Variants in DLGAP1 observed in about 807,000 individuals in gnomAD.
The protein encoded by DLGAP1 is disks large-associated protein 1.
In DLGAP1, 11 loss-of-function variants were observed where a neutral mutation model predicts 90.8. That is an observed-to-expected ratio of 0.12 (90% CI 0.08 to 0.20). The LOEUF is 0.20. DLGAP1 is among the 10% of genes least tolerant of loss of function. DLGAP1 has a pLI of 1.00. For missense variants in DLGAP1, 1,050 were observed against 1,333.8 expected, an observed-to-expected ratio of 0.79 and a Z score of 3.31; for synonymous variants, 558 against 540.7, an observed-to-expected ratio of 1.03 and a Z score of -0.44.
At chr18:3,560,120 G>A (rs1303332587) in intron 9 of DLGAP1, among the ~76,000 whole-genome samples, 3 of 151,690 alleles carry the variant, frequency 2.0e-5, no homozygotes, top group Non-Finnish European at 4.4e-5. Flanking sequence ...TGTTAGATCA[G>A]TTAAGAATGA....
At chr18:3,635,296 G>T (rs76193063) in intron 7 of DLGAP1, among the ~76,000 whole-genome samples, 6 of 151,746 alleles carry the variant, frequency 4.0e-5, no homozygotes, top group Admixed American at 1.3e-4. Context: ...ACGCCCGGCT[G>T]ATTTTTTTGT....
chr18:3,806,680 G>T lies in DLGAP1; in HGVS notation c.1172+7379C>A, dbSNP rs543316319. ...ATGGCAGGTGGCAGACAGAAAAGAC[G>T]AAGGAATTTTGAGGCTCTCTGCAAA... On this transcript the variant is annotated intron_variant, in intron 5 of 12. Transcript: ENST00000315677. Among the ~76,000 whole-genome samples, 5 of 152,330 alleles carry T rather than the reference G, an allele frequency of 3.3e-5. No individual in the cohort carries two copies. The South Asian group carries it at 1.0e-3, about 32-fold the overall frequency.
intron 1 of DLGAP1, among the ~76,000 whole-genome samples, chr18:4,385,222 TATAC>T (rs1485235930): frequency 6.6e-6 from 1 of 152,172 alleles, no homozygotes; most frequent in Admixed American, 6.5e-5. Context: ...CTCATTTTCA[TATAC>T]ATACTCTCCG....
At chr18:4,405,706 C>T (rs8092437) in intron 1 of DLGAP1, among the ~76,000 whole-genome samples, 20,518 of 152,070 alleles carry the variant, frequency 0.13, 1,611 homozygotes, top group African/African-American at 0.19. Flanking sequence ...TTATCTTGTG[C>T]GCTTAGAAGA....
chr18:3,539,405 C>T (rs900271948), intron 9 of DLGAP1, among the ~76,000 whole-genome samples: 1 of 152,268 alleles, frequency 6.6e-6, no homozygotes, highest in Admixed American at 6.5e-5. Flanking sequence ...ATTACAACTT[C>T]TGAAAAATGC....
intron 3 of DLGAP1, among the ~76,000 whole-genome samples, chr18:3,920,612 A>G (rs1363800466): frequency 6.6e-6 from 1 of 152,022 alleles, no homozygotes; most frequent in Non-Finnish European, 1.5e-5. Flanking sequence ...ATTGCATCTC[A>G]TTGCATTGCA....
In DLGAP1 at chr18:3,770,045, G is replaced by A. The variant is rs182070007; in HGVS notation, c.1173-27533C>T. ...TGGTTCACCATCTAGTTCAAAGCTG[G>A]ACATTGGAACTGAGTTTGTACCTAA... is the stretch of plus-strand genomic sequence containing the variant. On this transcript the variant is annotated intron_variant, in intron 5 of 12. Transcript: ENST00000315677. 6 of 152,182 alleles carry A rather than the reference G, an allele frequency of 3.9e-5. No individual in the cohort carries two copies. The East Asian group carries it at 1.2e-3, about 29-fold the overall frequency. 9.4% of individuals were successfully genotyped at this position (152,182 alleles called of 1,614,324 possible).
At chr18:3,990,087 G>A (rs2149048623) in intron 3 of DLGAP1, among the ~76,000 whole-genome samples, 1 of 152,186 alleles carries the variant, frequency 6.6e-6, no homozygotes, top group South Asian at 2.1e-4. Context: ...ATTCCTCAGG[G>A]ATCTAGAACT....
intron 4 of DLGAP1, among the ~76,000 whole-genome samples, chr18:3,839,417 A>G (rs1423668914): frequency 1.3e-5 from 2 of 152,156 alleles, no homozygotes; most frequent in African/African-American, 4.8e-5. Context: ...TCACTAGAAA[A>G]TCCACACGTA....
intron 9 of DLGAP1, among the ~76,000 whole-genome samples, chr18:3,538,603 T>C (rs187892439): frequency 1.8e-4 from 28 of 152,308 alleles, no homozygotes; most frequent in Middle Eastern, 3.4e-3. Context: ...CAGCTGCATA[T>C]GTGTGAATTG....
chr18:3,580,790 G>A, intron 8 of DLGAP1: 2 of 1,603,926 alleles, frequency 1.2e-6, no homozygotes, highest in East Asian at 2.2e-5. Context: ...ATGGTCAGGG[G>A]TGGTGCCGAA....
At chr18:4,382,938 G>A (rs1365255809) in intron 1 of DLGAP1, among the ~76,000 whole-genome samples, 2 of 152,094 alleles carry the variant, frequency 1.3e-5, no homozygotes, top group African/African-American at 4.8e-5. Flanking sequence ...GAAAGCCAGG[G>A]CAACTAAGAA....
chr18:3,637,515 C>T (rs963325349), intron 7 of DLGAP1, among the ~76,000 whole-genome samples: 1 of 149,486 alleles, frequency 6.7e-6, no homozygotes, highest in African/African-American at 2.5e-5. Context: ...GGGAGGATTG[C>T]CTGAGCCCAG....
At chr18:3,816,044 T>C (rs143495674) in intron 4 of DLGAP1, among the ~76,000 whole-genome samples, 98 of 152,286 alleles carry the variant, frequency 6.4e-4, no homozygotes, top group African/African-American at 2.3e-3. Context: ...TTACTGCTTA[T>C]CCATTAAAAT....
intron 7 of DLGAP1, among the ~76,000 whole-genome samples, chr18:3,674,467 A>C (rs2146797293): frequency 6.6e-6 from 1 of 151,572 alleles, no homozygotes; most frequent in South Asian, 2.1e-4. Context: ...AAAAAATAAA[A>C]AAATCAGCTG....
chr18:4,131,717 A>G (rs2076320429), intron 2 of DLGAP1, among the ~76,000 whole-genome samples: 1 of 152,218 alleles, frequency 6.6e-6, no homozygotes, highest in African/African-American at 2.4e-5. Context: ...GGAAAGGGTG[A>G]CAAGAAACTG....
chr18:3,558,421 T>C (rs773092520), intron 9 of DLGAP1, among the ~76,000 whole-genome samples: 48 of 152,126 alleles, frequency 3.2e-4, no homozygotes, highest in South Asian at 1.9e-3. Context: ...TTAGTAGAGA[T>C]GGGGTTTCAC....
intron 6 of DLGAP1, among the ~76,000 whole-genome samples, chr18:3,738,470 A>G (rs1296742767): frequency 8.8e-5 from 13 of 148,090 alleles, no homozygotes; most frequent in South Asian, 2.1e-4. Flanking sequence ...AAATAACGCC[A>G]CATATCTACA....
chr18:3,935,143 C>T (rs983474192), intron 3 of DLGAP1, among the ~76,000 whole-genome samples: 1 of 152,148 alleles, frequency 6.6e-6, no homozygotes, highest in Non-Finnish European at 1.5e-5. Flanking sequence ...TAACACATAA[C>T]ACACTTCCAT....
Sources: gnomAD v4.1 joint callset for allele counts (sites outside exome capture counted in the v4.1 genomes callset) on GRCh38, gnomAD v4.1.1 for gene constraint, MANE v1.5 for transcripts, NCBI Gene and HGNC (gene_info 2026-07-23, HGNC 2026-07-21) for gene names.